Variants in PUS7L observed in about 807,000 individuals in gnomAD.
The protein encoded by PUS7L is pseudouridylate synthase PUS7L.
In PUS7L, 49 loss-of-function variants were observed where a neutral mutation model predicts 51.1. That is an observed-to-expected ratio of 0.96 (90% CI 0.76 to 1.22). The LOEUF (loss-of-function observed/expected upper bound fraction) is 1.22, where lower values mean the gene tolerates loss of function less well. PUS7L is among the 50% of genes most tolerant of loss of function. PUS7L has a pLI of 0.00. For missense variants in PUS7L, 828 were observed against 820.6 expected, an observed-to-expected ratio of 1.01 and a Z score of -0.11; for synonymous variants, 277 against 276.2, an observed-to-expected ratio of 1.00 and a Z score of -0.03.
chr12:43,757,290 C>T (rs1938790257), intron 1 of PUS7L, among the ~76,000 whole-genome samples: 1 of 152,208 alleles, frequency 6.6e-6, no homozygotes, highest in South Asian at 2.1e-4. Flanking sequence ...CCTACTTCAG[C>T]CTCCCGAGTA....
intron 1 of PUS7L, among the ~76,000 whole-genome samples, chr12:43,755,697 T>C (rs1262808878): frequency 1.3e-5 from 2 of 152,192 alleles, no homozygotes; most frequent in Non-Finnish European, 2.9e-5. Context: ...TCTTATATTA[T>C]TAGTGGTTAG....
Position 43,725,950 on chromosome 12 carries a change from T to C in PUS7L, c.*4426A>G, listed in dbSNP as rs1329226090. 6.6e-6 allele frequency: 1 copy of C among 152,170 alleles called. No homozygotes were observed. Among genetic ancestry groups the C allele is most frequent in the Non-Finnish European group, 1.5e-5 (1 of 68,026 alleles). 9.4% of individuals were successfully genotyped at this position (152,170 alleles called of 1,614,324 possible). A position where few individuals can be genotyped will look rare whatever the true frequency, so the allele number is the denominator to read the frequency against. ...AATGTTAGTTAAATCAAAAGTTACA[T>C]GACTTTCAGTTTTTTACAGCTCACA... On this transcript the variant is annotated 3_prime_UTR_variant, in exon 9 of 9. Transcript: ENST00000344862.
In PUS7L at chr12:43,738,499, T is replaced by C. The variant is rs961489198; in HGVS notation, c.1363-108A>G. 133 of 637,430 alleles carry C rather than the reference T, an allele frequency of 2.1e-4. 1 individual carries two copies. The highest frequency in any genetic ancestry group is 2.4e-4 in the Admixed American group (8 of 33,042). The allele number at this position is 637,430 out of a possible 1,614,324, so 39.5% of individuals were successfully genotyped here. On this transcript the variant is annotated intron_variant, in intron 5 of 8. Coordinates refer to ENST00000344862, the MANE Select transcript of PUS7L (RefSeq NM_031292.5). ...CCTAAAAGAATAGGGATTTAATAAT[T>C]ATACTTGATGCTGCAATTTTCTCTT...
chr12:43,746,112 T>A lies in PUS7L; in HGVS notation c.1197A>T (p.Leu399Phe). 2 of 1,525,626 alleles carry A rather than the reference T, an allele frequency of 1.3e-6. No individual in the cohort carries two copies. The highest frequency in any genetic ancestry group is 1.8e-6 in the Non-Finnish European group (2 of 1,103,660). 94.5% of individuals were successfully genotyped at this position (1,525,626 alleles called of 1,614,324 possible). A position where few individuals can be genotyped will look rare whatever the true frequency, so the allele number is the denominator to read the frequency against. Residue 399 changes from leucine (L) to phenylalanine (F), a missense_variant, in exon 4 of 9, where the codon TTA (leucine) becomes TTT (phenylalanine). Physicochemically the swap from Leu to Phe is conservative, Grantham distance 22. Transcript: ENST00000344862. ...GNHFDIVIRN[L>F]KKQINDSANL... ...TTGCAGAATCATTTATTTGTTTTTT[T>A]AAATTTCTAATGACAATATCAAAGT...
chr12:43,740,232 G>A (rs1937830485), intron 5 of PUS7L, among the ~76,000 whole-genome samples: 1 of 152,158 alleles, frequency 6.6e-6, no homozygotes, highest in East Asian at 1.9e-4. Context: ...TAAAGCACGT[G>A]TCTTAGAGTA....
At chr12:43,747,850 A>C (rs1038943759) in intron 3 of PUS7L, among the ~76,000 whole-genome samples, 1 of 152,168 alleles carries the variant, frequency 6.6e-6, no homozygotes, top group Admixed American at 6.5e-5. Flanking sequence ...GTGCAGTTGC[A>C]TGATCCCTGC....
intron 2 of PUS7L, among the ~76,000 whole-genome samples, chr12:43,750,195 G>A (rs200719550): frequency 1.0e-4 from 9 of 87,672 alleles, no homozygotes; most frequent in Non-Finnish European, 2.1e-5. Context: ...TCCCCAGCTT[G>A]TTTATCAGTT....
In PUS7L at chr12:43,748,557, TA is replaced by T. The variant is rs1938285674; in HGVS notation, c.962del (p.Leu321Ter). On this transcript the variant is annotated frameshift_variant, in exon 3 of 9. Coordinates refer to ENST00000344862, the MANE Select transcript of PUS7L (RefSeq NM_031292.5). LOFTEE classifies it high-confidence loss of function. ...AAGGAATAACACCAAGTTTGATAGC[TA>T]AAAAACCAATCGCTTCAAACATTTC... ...NLEMFEAIGF[L>X]AIKLGVIPSD... 1 of 1,608,456 alleles carries T rather than the reference TA, an allele frequency of 6.2e-7. No homozygotes were observed. Among genetic ancestry groups the T allele is most frequent in the Non-Finnish European group, 8.5e-7 (1 of 1,178,620 alleles).
intron 5 of PUS7L, chr12:43,738,729 T>C (rs1290553786): frequency 3.8e-6 from 1 of 261,062 alleles, no homozygotes; most frequent in African/African-American, 2.3e-5. Flanking sequence ...CTGAAAAGCT[T>C]AGGCTAAATG....
chr12:43,753,809 G>A (rs1042306720), intron 2 of PUS7L, among the ~76,000 whole-genome samples: 1 of 152,172 alleles, frequency 6.6e-6, no homozygotes, highest in Non-Finnish European at 1.5e-5. Flanking sequence ...AACTTTTGAT[G>A]ATTATATGCA....
chr12:43,729,044 C>T lies in PUS7L; in HGVS notation c.*1332G>A. 2.6e-6 allele frequency: 1 copy of T among 384,680 alleles called. No homozygotes were observed. The highest frequency in any genetic ancestry group is 4.5e-5 in the Admixed American group (1 of 22,312). 23.8% of individuals were successfully genotyped at this position (384,680 alleles called of 1,614,324 possible). A position where few individuals can be genotyped will look rare whatever the true frequency, so the allele number is the denominator to read the frequency against. ...ATTCAGAGTATTATTGCAGTTGTAA[C>T]ATATGTGTTCTACTTTTAGGGGGCA... On this transcript the variant is annotated 3_prime_UTR_variant, in exon 9 of 9. Transcript: ENST00000344862.
chr12:43,758,056 T>C (rs1938912306), intron 1 of PUS7L, among the ~76,000 whole-genome samples: 1 of 152,166 alleles, frequency 6.6e-6, no homozygotes, highest in African/African-American at 2.4e-5. Flanking sequence ...AATTGTAAGA[T>C]GATTCTGATG....
At chr12:43,747,125 C>T (rs1014016168) in intron 3 of PUS7L, among the ~76,000 whole-genome samples, 2 of 152,016 alleles carry the variant, frequency 1.3e-5, no homozygotes, top group Non-Finnish European at 1.5e-5. Context: ...ATCGATATTA[C>T]GTTAATTAGG....
rs903568982 is a variant in PUS7L, at chr12:43,719,296, A to T, written c.*11080T>A. 8 of 152,208 alleles carry T rather than the reference A, an allele frequency of 5.3e-5. No individual in the cohort carries two copies. The highest frequency in any genetic ancestry group is 1.2e-4 in the Non-Finnish European group (8 of 68,038). The allele number at this position is 152,208 out of a possible 1,614,324, so 9.4% of individuals were successfully genotyped here. The stretch of plus-strand genomic sequence containing the variant: ...CCATTCACATAAAATTCAAAATCAG[A>T]CAAAACTGTGTATTTTTTAGGAATG... On this transcript the variant is annotated 3_prime_UTR_variant, in exon 9 of 9. Transcript: ENST00000344862.
At chr12:43,746,722 A>G (rs1938189086) in intron 3 of PUS7L, among the ~76,000 whole-genome samples, 1 of 152,220 alleles carries the variant, frequency 6.6e-6, no homozygotes, top group Non-Finnish European at 1.5e-5. Flanking sequence ...AGTAACTTGT[A>G]TGACCCTATA....
chr12:43,733,273 A>G (rs1944602983), intron 7 of PUS7L, among the ~76,000 whole-genome samples: 1 of 152,252 alleles, frequency 6.6e-6, no homozygotes, highest in South Asian at 2.1e-4. Flanking sequence ...TTAGTTTTCT[A>G]TAATTTTTAA....
Position 43,755,185 on chromosome 12 carries a change from C to T in PUS7L, c.61G>A (p.Val21Ile), listed in dbSNP as rs145711853. Residue 21 changes from valine (V) to isoleucine (I), a missense_variant, in exon 2 of 9, where the codon GTT (valine) becomes ATT (isoleucine). Coordinates refer to ENST00000344862, the MANE Select transcript of PUS7L (RefSeq NM_031292.5). ...CTTTTTATAGTGCCATGAAATCCAA[C>T]GTGATCATTAAAGAAACACAAAGAA... ...FSSLCFFNDH[V>I]GFHGTIKSSP... The T allele has an allele frequency of 5.5e-4, 888 of 1,611,510 alleles. 1 individual carries two copies. Among genetic ancestry groups the T allele is most frequent in the Non-Finnish European group, 6.2e-4 (725 of 1,178,758 alleles).
chr12:43,749,216 C>A (rs927840066), intron 2 of PUS7L, among the ~76,000 whole-genome samples: 5 of 152,194 alleles, frequency 3.3e-5, no homozygotes, highest in African/African-American at 1.2e-4. Flanking sequence ...TGTAACCCTG[C>A]CACAGAGAAC....
At chr12:43,748,732 G>T (rs1938297666) in intron 2 of PUS7L, 123 bp from the exon 3 acceptor site, 2 of 879,618 alleles carry the variant, frequency 2.3e-6, no homozygotes, top group African/African-American at 1.7e-5. Context: ...TGTTGTTGTT[G>T]TTGTTGTTTT....
Sources: gnomAD v4.1 joint callset for allele counts (sites outside exome capture counted in the v4.1 genomes callset) on GRCh38, gnomAD v4.1.1 for gene constraint, MANE v1.5 for transcripts, NCBI Gene and HGNC (gene_info 2026-07-23, HGNC 2026-07-21) for gene names.